Variants in STT3A observed in about 807,000 individuals in gnomAD.
STT3A encodes the protein STT3 oligosaccharyltransferase complex catalytic subunit A.
In STT3A, 34 loss-of-function variants were observed where a neutral mutation model predicts 89.2. The observed-to-expected ratio is 0.38, with a 90% CI of 0.29 to 0.51. STT3A has a LOEUF of 0.51. Among genes scored for constraint, STT3A ranks in the 20% least tolerant of loss-of-function variants. The probability of loss-of-function intolerance (pLI) is 0.89; values close to 1 mark genes in which losing one functional copy is unlikely to be tolerated. For synonymous variants in STT3A, 282 were observed against 310.3 expected (o/e 0.91, Z 0.96); for missense variants, 555 against 889.5 (o/e 0.62, Z 4.78).
At chr11:125,601,122 TAAG>T (rs1939662130) in intron 3 of STT3A, among the ~76,000 whole-genome samples, 2 of 152,312 alleles carry the variant, frequency 1.3e-5, no homozygotes, top group Admixed American at 6.5e-5. Flanking sequence ...ATAGGTGACA[TAAG>T]AAGCATTTTA....
In STT3A at chr11:125,597,075, G is replaced by C. The variant is rs201391299; in HGVS notation, c.105G>C (p.Leu35=). 8.7e-6 allele frequency: 14 copies of C among 1,613,986 alleles called. No homozygotes were observed. The East Asian group carries it at 2.5e-4, about 28-fold the overall frequency. Residue 35 remains leucine, a synonymous_variant, in exon 3 of 18, where the codon CTG becomes CTC. Coordinates refer to ENST00000392708, the MANE Select transcript of STT3A (RefSeq NM_152713.5). ...MAAVLSFSTR[L]FAVLRFESVI... is the part of the protein sequence containing the mutation. ...TTTTTGCAGCCTTCTCCACTCGTCT[G>C]TTTGCTGTCCTGAGATTTGAAAGTG...
At chr11:125,607,208 T>A (rs1201333912) in intron 8 of STT3A, among the ~76,000 whole-genome samples, 6 of 152,250 alleles carry the variant, frequency 3.9e-5, no homozygotes, top group African/African-American at 1.4e-4. Context: ...TTTGCCCAAC[T>A]GTAGGCTAAT....
chr11:125,607,689 G>A (rs7108891), intron 8 of STT3A, among the ~76,000 whole-genome samples: 6,005 of 152,284 alleles, frequency 0.039, 376 homozygotes, highest in African/African-American at 0.13. Flanking sequence ...GAGAACCACC[G>A]ATCTAAGGCA....
Position 125,613,228 on chromosome 11 carries a change from C to A in STT3A, c.1554+51C>A. On this transcript the variant is annotated intron_variant, in intron 13 of 17. Transcript: ENST00000392708. This position sits in a 1 kb window ranked among gnomAD's most constrained non-coding sequence, Gnocchi z 4.2. ...TGTGGGTTAGGGGCAAAGGGGAAGA[C>A]ATTTGATGTTACAGTGAATCATACA... The A allele has an allele frequency of 6.3e-7, 1 of 1,588,812 alleles. No homozygotes were observed. The highest frequency in any genetic ancestry group is 8.6e-7 in the Non-Finnish European group (1 of 1,162,548).
At chr11:125,600,451 C>T (rs911742097) in intron 3 of STT3A, among the ~76,000 whole-genome samples, 4 of 152,024 alleles carry the variant, frequency 2.6e-5, no homozygotes, top group African/African-American at 9.7e-5. Context: ...GCTTCAACCT[C>T]CCTGGGCTCA....
chr11:125,608,645 T>C (rs776283787), intron 9 of STT3A, among the ~76,000 whole-genome samples: 7 of 152,214 alleles, frequency 4.6e-5, no homozygotes, highest in African/African-American at 1.2e-4. Flanking sequence ...GCTTTTACTA[T>C]TAAATGCAGA....
At chr11:125,604,368 G>A (rs1378367292) in intron 6 of STT3A, 121 bp downstream of exon 6, 1 of 916,558 alleles carries the variant, frequency 1.1e-6, no homozygotes, top group Admixed American at 2.5e-5. Flanking sequence ...ATTAGAAATG[G>A]GCAGGAACGG....
intron 17 of STT3A, 47 bp from the exon 18 acceptor site, chr11:125,620,725 A>C: frequency 6.3e-7 from 1 of 1,598,630 alleles, no homozygotes; most frequent in Non-Finnish European, 8.6e-7. Context: ...AAATTTCTCC[A>C]AAGTTGATCT....
At chr11:125,611,362 A>G in intron 10 of STT3A, 66 bp from the exon 11 acceptor site, 1 of 1,235,824 alleles carries the variant, frequency 8.1e-7, no homozygotes, top group Non-Finnish European at 1.2e-6. Flanking sequence ...TATAATGAAG[A>G]TACTTTACCT....
intron 5 of STT3A, among the ~76,000 whole-genome samples, chr11:125,603,792 A>G (rs2135920129): frequency 6.6e-6 from 1 of 152,234 alleles, no homozygotes; most frequent in South Asian, 2.1e-4. Flanking sequence ...TGGCTTTTAG[A>G]GGTGTGACTG....
At chr11:125,611,266 A>T in intron 10 of STT3A, 162 bp from the exon 11 acceptor site, 1 of 588,172 alleles carries the variant, frequency 1.7e-6, no homozygotes, top group Non-Finnish European at 3.0e-6. Context: ...TGTAGTAAAC[A>T]TCTTTGCATG....
chr11:125,595,159 T>G (rs1174451421), intron 1 of STT3A: 1 of 150,500 alleles, frequency 6.6e-6, no homozygotes, highest in Non-Finnish European at 1.5e-5. Context: ...TGCCTTTCAC[T>G]TCTTCTTTTT....
chr11:125,592,868 C>G lies in STT3A; in HGVS notation c.-86C>G, dbSNP rs1432537132. On this transcript the variant is annotated 5_prime_UTR_variant, in exon 1 of 18. Coordinates refer to ENST00000392708, the MANE Select transcript of STT3A (RefSeq NM_152713.5). ...GCTCCTGCCAGGGTTGGGTGCGCCGCTGAACGGATGGCTGAGGGAGCCCCG... is the reference window on the plus strand; with the variant it reads ...GCTCCTGCCAGGGTTGGGTGCGCCGGTGAACGGATGGCTGAGGGAGCCCCG... 9.3e-4 allele frequency: 167 copies of G among 179,702 alleles called. 1 individual carries two copies. The highest frequency in any genetic ancestry group is 1.3e-4 in the Non-Finnish European group (11 of 82,490). 11.1% of individuals were successfully genotyped at this position (179,702 alleles called of 1,614,324 possible).
At chr11:125,612,566 C>T (rs1367565655) in intron 11 of STT3A, 26 bp from the exon 12 acceptor site, 1 of 1,607,462 alleles carries the variant, frequency 6.2e-7, no homozygotes, top group Non-Finnish European at 8.5e-7. Context: ...ACTGATTAGA[C>T]TGATCATGCT....
chr11:125,596,533 A>G (rs183289648), intron 2 of STT3A, among the ~76,000 whole-genome samples: 1 of 152,326 alleles, frequency 6.6e-6, no homozygotes, highest in Non-Finnish European at 1.5e-5. Context: ...GTTTTCTCAT[A>G]GGGTTGAAAG....
In STT3A at chr11:125,596,781, G is replaced by T. The variant is rs78574330; in HGVS notation, c.89-278G>T. Among the ~76,000 whole-genome samples, 11,717 of 152,176 alleles carry T rather than the reference G, an allele frequency of 0.077. 516 individuals are homozygous for T. The highest frequency in any genetic ancestry group is 0.12 in the African/African-American group (4,976 of 41,488). ...GCGTATATAAAAGATGACCATGTAA[G>T]TTGAGTTTGGTATTAGTAGGTGAAT... is the stretch of plus-strand genomic sequence containing the variant. On this transcript the variant is annotated intron_variant, in intron 2 of 17. Transcript: ENST00000392708.
chr11:125,621,044 G>A lies in STT3A; in HGVS notation c.*234G>A. ...ATGGCTTTACTTTGGTCAATTAAAG[G>A]GGGGAATTTTTTTAAAAAATGTGCC... On this transcript the variant is annotated 3_prime_UTR_variant, in exon 18 of 18. Transcript: ENST00000392708. The A allele has an allele frequency of 2.4e-6, 1 of 408,486 alleles. No individual in the cohort carries two copies. Among genetic ancestry groups the A allele is most frequent in the Non-Finnish European group, 4.3e-6 (1 of 230,302 alleles). The allele number at this position is 408,486 out of a possible 1,614,324, so 25.3% of individuals were successfully genotyped here.
At chr11:125,611,335 G>A in intron 10 of STT3A, 93 bp from the exon 11 acceptor site, 2 of 925,338 alleles carry the variant, frequency 2.2e-6, no homozygotes, top group South Asian at 3.1e-5. Flanking sequence ...GGTTAAATGT[G>A]TGGAATCATC....
rs1565340806 is a variant in STT3A at position 125,595,954 on chromosome 11, G to A, written c.39G>A (p.Lys13=). The A allele has an allele frequency of 6.2e-7, 1 of 1,614,006 alleles. No individual in the cohort carries two copies. Among genetic ancestry groups the A allele is most frequent in the African/African-American group, 1.3e-5 (1 of 75,044 alleles). The part of the protein sequence containing the change: ...KFGFLRLSYE[K]QDTLLKLLIL... ...GATTTTTGCGATTGTCCTATGAGAA[G>A]CAGGACACACTTTTGAAGCTTCTCA... The change falls in exon 2 of 18, where the codon AAG becomes AAA. Residue 13 remains lysine (K), a synonymous_variant. Transcript: ENST00000392708.
Sources: gnomAD v4.1 joint callset for allele counts (sites outside exome capture counted in the v4.1 genomes callset) on GRCh38, gnomAD v4.1.1 for gene constraint, Gnocchi (gnomAD v3.1) non-coding constraint, MANE v1.5 for transcripts, NCBI Gene and HGNC (gene_info 2026-07-23, HGNC 2026-07-21) for gene names.